Variants in ADARB2 observed in about 807,000 individuals in gnomAD.
ADARB2 encodes inactive double-stranded RNA-specific editase B2.
Under a neutral mutation model 62.2 loss-of-function variants are expected in ADARB2, and 25 were observed. That is an observed-to-expected ratio of 0.40 (90% CI 0.29 to 0.56). ADARB2 has a LOEUF of 0.56. ADARB2 is among the 20% of genes least tolerant of loss of function. ADARB2 has a pLI of 0.43. For synonymous variants in ADARB2, 572 were observed against 500.8 expected (o/e 1.14, Z -1.90); for missense variants, 1,071 against 1,077.4 (o/e 0.99, Z 0.08).
chr10:1,213,076 G>A (rs937764308), intron 7 of ADARB2, among the ~76,000 whole-genome samples: 2 of 152,200 alleles, frequency 1.3e-5, no homozygotes, highest in African/African-American at 2.4e-5. Flanking sequence ...ATGAGGGAGG[G>A]TGAGTGGAGC....
rs375523754 is a variant in ADARB2 at position 1,327,467 on chromosome 10, T to G, written c.1077+35561A>C. ...TCCCCACGGCCCAGCGCCTCCTCAC[T>G]GCACAGCGCCTCCTCACTGCACAGC... On this transcript the variant is annotated intron_variant, in intron 3 of 9. Transcript: ENST00000381312. Among the ~76,000 whole-genome samples the G allele has an allele frequency of 9.4e-3, 542 of 57,476 alleles. 65 individuals are homozygous for G. The highest frequency in any genetic ancestry group is 0.061 in the African/African-American group (488 of 8,062). The allele number at this position is 57,476 out of a possible 152,430, so 37.7% of individuals were successfully genotyped here.
intron 6 of ADARB2, among the ~76,000 whole-genome samples, 162 bp downstream of exon 6, chr10:1,233,532 G>C (rs1318024140): frequency 1.3e-5 from 2 of 152,116 alleles, no homozygotes; most frequent in Non-Finnish European, 2.9e-5. Context: ...TAAGATTTTG[G>C]AGGCATGGTT....
intron 8 of ADARB2, among the ~76,000 whole-genome samples, chr10:1,197,163 A>G (rs1322675191): frequency 2.0e-5 from 3 of 152,368 alleles, no homozygotes; most frequent in East Asian, 1.9e-4. Flanking sequence ...CTGCTTCACT[A>G]TGTTATTTTG....
intron 7 of ADARB2, among the ~76,000 whole-genome samples, chr10:1,204,802 T>C (rs1837030357): frequency 6.6e-6 from 1 of 152,096 alleles, no homozygotes; most frequent in Admixed American, 6.6e-5. Flanking sequence ...TGAGCACGGG[T>C]CTGGTGTGCA....
intron 6 of ADARB2, 53 bp downstream of exon 6, chr10:1,233,641 T>C: frequency 1.3e-6 from 2 of 1,550,414 alleles, no homozygotes; most frequent in Admixed American, 3.8e-5. Flanking sequence ...GAGTCCCAGA[T>C]AGAGGGAGCT....
intron 1 of ADARB2, among the ~76,000 whole-genome samples, chr10:1,479,287 G>A (rs1434418649): frequency 1.3e-5 from 2 of 152,238 alleles, no homozygotes; most frequent in Non-Finnish European, 2.9e-5. Flanking sequence ...GCCACGTGGA[G>A]CAGGAAGAAG....
chr10:1,202,574 G>C (rs189496048), intron 7 of ADARB2, among the ~76,000 whole-genome samples: 1 of 152,216 alleles, frequency 6.6e-6, no homozygotes, highest in Admixed American at 6.5e-5. Context: ...AAATTCAGCA[G>C]TGTGGCCCTC....
At chr10:1,534,046 A>G (rs79039723) in intron 1 of ADARB2, among the ~76,000 whole-genome samples, 6 of 148,314 alleles carry the variant, frequency 4.0e-5, no homozygotes, top group South Asian at 2.3e-4. Context: ...AGGGAGGGAG[A>G]GAGAGAGAGA....
At chr10:1,719,867 G>A (rs1835067451) in intron 1 of ADARB2, among the ~76,000 whole-genome samples, 3 of 152,312 alleles carry the variant, frequency 2.0e-5, no homozygotes, top group Admixed American at 2.0e-4. Context: ...AGTCAGAATG[G>A]CTATGACAAA....
intron 3 of ADARB2, among the ~76,000 whole-genome samples, chr10:1,288,169 C>G (rs1041670639): frequency 4.6e-5 from 7 of 152,250 alleles, no homozygotes; most frequent in African/African-American, 1.4e-4. Flanking sequence ...ACGTCACAGA[C>G]ACCAGTTCTC....
intron 7 of ADARB2, among the ~76,000 whole-genome samples, chr10:1,201,703 C>T (rs555375152): frequency 4.6e-5 from 7 of 151,774 alleles, no homozygotes; most frequent in South Asian, 4.2e-4. Flanking sequence ...GGACACACAG[C>T]GCCTGTCACC....
intron 3 of ADARB2, among the ~76,000 whole-genome samples, chr10:1,276,827 T>C (rs1589174837): frequency 6.6e-6 from 1 of 152,292 alleles, no homozygotes; most frequent in African/African-American, 2.4e-5. Context: ...CACACCGCAC[T>C]TATTCCAAAA....
At chr10:1,502,147 C>T (rs1831775057) in intron 1 of ADARB2, among the ~76,000 whole-genome samples, 1 of 152,238 alleles carries the variant, frequency 6.6e-6, no homozygotes, top group South Asian at 2.1e-4. Context: ...GACACAATAG[C>T]TGTTGCTTTC....
At chr10:1,218,327 A>G (rs1041429717) in intron 6 of ADARB2, among the ~76,000 whole-genome samples, 2 of 152,246 alleles carry the variant, frequency 1.3e-5, no homozygotes, top group African/African-American at 4.8e-5. Context: ...CTGGGATTAC[A>G]GGCCTGAGCC....
chr10:1,377,022 C>T (rs1443207964), intron 2 of ADARB2, among the ~76,000 whole-genome samples: 1 of 133,930 alleles, frequency 7.5e-6, no homozygotes, highest in East Asian at 2.3e-4. Context: ...TTTGTGTGTG[C>T]TCCTGGGGTG....
At chr10:1,590,355 C>T (rs4880883) in intron 1 of ADARB2, among the ~76,000 whole-genome samples, 29,830 of 152,108 alleles carry the variant, frequency 0.2, 3,030 homozygotes, top group Non-Finnish European at 0.22. Flanking sequence ...CTCCATATGA[C>T]GAAGTTCATT....
chr10:1,311,395 C>G (rs1360669667), intron 3 of ADARB2, among the ~76,000 whole-genome samples: 2 of 152,188 alleles, frequency 1.3e-5, no homozygotes, highest in Non-Finnish European at 2.9e-5. Flanking sequence ...TGAAGCGTCT[C>G]CTGGTTTGGT....
chr10:1,405,160 T>TGATCCTGTGCCA (rs1832697083), intron 1 of ADARB2, among the ~76,000 whole-genome samples: 1 of 152,208 alleles, frequency 6.6e-6, no homozygotes, highest in Non-Finnish European at 1.5e-5. Flanking sequence ...TTATGCATGT[T>TGATCCTGTGCCA]GATCCTGTGC....
chr10:1,552,596 G>A (rs1455121037), intron 1 of ADARB2, among the ~76,000 whole-genome samples: 3 of 152,054 alleles, frequency 2.0e-5, no homozygotes, highest in African/African-American at 7.3e-5. Context: ...GGGAAGGGGA[G>A]AAGAGGGCGT....
Sources: allele counts gnomAD v4.1 joint callset (sites outside exome capture counted in the v4.1 genomes callset), GRCh38; gene constraint gnomAD v4.1.1; transcripts MANE v1.5; gene names NCBI Gene and HGNC (gene_info 2026-07-23, HGNC 2026-07-21).